Variants in FASTKD2 observed in about 807,000 individuals in gnomAD.
FASTKD2 encodes the protein FAST kinase domain-containing protein 2, mitochondrial.
In FASTKD2, 51 loss-of-function variants were observed where a neutral mutation model predicts 63.6. The observed-to-expected ratio is 0.80, with a 90% CI of 0.64 to 1.01. The LOEUF (loss-of-function observed/expected upper bound fraction) is 1.01. FASTKD2 is among the 50% of genes least tolerant of loss of function. The pLI is 0.00. For missense variants in FASTKD2, 786 were observed against 831.1 expected (o/e 0.95, Z 0.67); for synonymous variants, 284 against 293.4 (o/e 0.97, Z 0.33).
chr2:206,779,616 G>A (rs1689915203), intron 7 of FASTKD2, among the ~76,000 whole-genome samples: 1 of 152,116 alleles, frequency 6.6e-6, no homozygotes, highest in African/African-American at 2.4e-5. Context: ...CAGCATGGGG[G>A]AAACTGCCCC....
intron 7 of FASTKD2, 129 bp downstream of exon 7, chr2:206,774,526 A>AG: frequency 1.5e-6 from 1 of 669,598 alleles, no homozygotes; most frequent in Non-Finnish European, 2.5e-6. Context: ...TAAATAAAAC[A>AG]TAGTGTTCCT....
intron 11 of FASTKD2, chr2:206,791,155 C>T (rs1690275996): frequency 4.9e-6 from 1 of 203,658 alleles, no homozygotes; most frequent in African/African-American, 2.4e-5. Context: ...ATTTTGTACC[C>T]CACAGCTTCT....
intron 7 of FASTKD2, among the ~76,000 whole-genome samples, chr2:206,777,109 A>T: frequency 6.6e-6 from 1 of 152,106 alleles, no homozygotes; most frequent in East Asian, 1.9e-4. Context: ...ATAAGTGTAT[A>T]GGAACACAGC....
intron 2 of FASTKD2, among the ~76,000 whole-genome samples, 154 bp downstream of exon 2, chr2:206,767,624 A>G (rs963404951): frequency 7.2e-5 from 10 of 139,484 alleles, no homozygotes; most frequent in African/African-American, 2.5e-4. Context: ...TATATGATTT[A>G]GAGGCCTTAA....
chr2:206,791,703 C>A lies in FASTKD2; in HGVS notation c.2034C>A (p.Asp678Glu). ...GTAAGGTCAATAACTGGGAGATGGA[C>A]AAACTAGAGATGGAAGATGCAGTCA... Reference protein sequence around the residue: ...HVILVNNWEMDKLEMEDAVTF... With the variant: ...HVILVNNWEMEKLEMEDAVTF... Residue 678 changes from aspartate (D) to glutamate (E), a missense_variant, in exon 12 of 12, where the codon GAC becomes GAA. Coordinates refer to ENST00000402774, the MANE Select transcript of FASTKD2 (RefSeq NM_001136193.2). The A allele has an allele frequency of 6.2e-7, 1 of 1,612,412 alleles. No homozygotes were observed. The highest frequency in any genetic ancestry group is 8.5e-7 in the Non-Finnish European group (1 of 1,178,690).
chr2:206,773,316 CAAA>C (rs869141094), intron 6 of FASTKD2, among the ~76,000 whole-genome samples: 15 of 68,130 alleles, frequency 2.2e-4, no homozygotes, highest in African/African-American at 5.3e-4. Flanking sequence ...AACTCTGTCT[CAAA>C]AAAAAAAAAA....
intron 10 of FASTKD2, chr2:206,789,612 T>C (rs1690229970): frequency 6.6e-6 from 1 of 152,214 alleles, no homozygotes; most frequent in Non-Finnish European, 1.5e-5. Flanking sequence ...CACATAAATA[T>C]GATAGAAACA....
chr2:206,783,654 C>T (rs1171567006), intron 7 of FASTKD2, among the ~76,000 whole-genome samples: 2 of 152,198 alleles, frequency 1.3e-5, no homozygotes, highest in Non-Finnish European at 1.5e-5. Context: ...TGAGAGATAA[C>T]TTGTTCCAAC....
intron 2 of FASTKD2, 100 bp downstream of exon 2, chr2:206,767,570 A>G (rs1387278455): frequency 1.1e-6 from 1 of 912,832 alleles, no homozygotes; most frequent in East Asian, 2.6e-5. Context: ...AGAGACTATC[A>G]AATGGAATGG....
chr2:206,781,842 A>AGTTT (rs1689991535), intron 7 of FASTKD2, among the ~76,000 whole-genome samples: 1 of 151,238 alleles, frequency 6.6e-6, no homozygotes. Flanking sequence ...TTTCCTACTT[A>AGTTT]ACTGCTCCTG....
intron 11 of FASTKD2, 53 bp from the exon 12 acceptor site, chr2:206,791,630 T>G (rs1690288224): frequency 1.3e-6 from 2 of 1,572,854 alleles, no homozygotes; most frequent in Middle Eastern, 1.7e-4. Context: ...CTAAACTAGC[T>G]CTTTTGTTAG....
chr2:206,777,637 T>G (rs758640754), intron 7 of FASTKD2, among the ~76,000 whole-genome samples: 8 of 152,208 alleles, frequency 5.3e-5, no homozygotes, highest in Non-Finnish European at 1.2e-4. Flanking sequence ...TGCATGTGTC[T>G]GGCTTTGGTA....
chr2:206,793,500 C>T lies in FASTKD2; in HGVS notation c.*1698C>T, dbSNP rs1477561564. On this transcript the variant is annotated 3_prime_UTR_variant, in exon 12 of 12. Transcript: ENST00000402774. The stretch of plus-strand genomic sequence containing the variant: ...GTCCCAGGAGATCAGGCTTCTGGTT[C>T]CAGATTGGACAACCTCTAGTTTTGT... Among the ~76,000 whole-genome samples, 1 of 152,078 alleles carries T rather than the reference C, an allele frequency of 6.6e-6. No individual in the cohort carries two copies. Among genetic ancestry groups the T allele is most frequent in the Non-Finnish European group, 1.5e-5 (1 of 68,040 alleles).
chr2:206,779,297 T>C lies in FASTKD2; in HGVS notation c.1427+4900T>C, dbSNP rs551913536. On this transcript the variant is annotated intron_variant, in intron 7 of 11. Coordinates refer to ENST00000402774, the MANE Select transcript of FASTKD2 (RefSeq NM_001136193.2). ...CCTTAAATCTAAAGCGAGTATCTTG[T>C]AGACAAGTTATAGTTTGGTCTTTTT... Among the ~76,000 whole-genome samples, 10 of 152,362 alleles carry C rather than the reference T, an allele frequency of 6.6e-5. No individual in the cohort carries two copies. The South Asian group carries it at 1.9e-3, about 28-fold the overall frequency.
chr2:206,779,461 G>T (rs568212332), intron 7 of FASTKD2, among the ~76,000 whole-genome samples: 6 of 152,154 alleles, frequency 3.9e-5, no homozygotes, highest in Non-Finnish European at 8.8e-5. Context: ...GACTGGGGAG[G>T]CCTCAGGAGA....
intron 11 of FASTKD2, 40 bp from the exon 12 acceptor site, chr2:206,791,643 T>C (rs1690288802): frequency 6.3e-7 from 1 of 1,595,720 alleles, no homozygotes; most frequent in African/African-American, 1.3e-5. Flanking sequence ...TTTGTTAGTA[T>C]CGTCTCACAA....
rs975742447 is a variant in FASTKD2, at chr2:206,786,979, G to A, written c.1594+80G>A. The A allele has an allele frequency of 6.8e-6, 6 of 885,370 alleles. No individual in the cohort carries two copies. The Admixed American group carries it at 1.3e-4, about 19-fold the overall frequency. The allele number at this position is 885,370 out of a possible 1,614,324, so 54.8% of individuals were successfully genotyped here. A position where few individuals can be genotyped will look rare whatever the true frequency, so the allele number is the denominator to read the frequency against. On this transcript the variant is annotated intron_variant, in intron 8 of 11. Transcript: ENST00000402774. ...TAGCTACCATATGACTCTGAATGGGGTCTTAGTTGGAGCAGTGTTAGTTGA... is the reference window on the plus strand; with the variant it reads ...TAGCTACCATATGACTCTGAATGGGATCTTAGTTGGAGCAGTGTTAGTTGA...
At chr2:206,782,748 T>C (rs981207461) in intron 7 of FASTKD2, among the ~76,000 whole-genome samples, 9 of 152,246 alleles carry the variant, frequency 5.9e-5, no homozygotes, top group African/African-American at 2.2e-4. Flanking sequence ...TTTGGCAAAT[T>C]ACTTATCTGT....
chr2:206,789,215 A>C (rs1690218480), intron 10 of FASTKD2: 1 of 279,866 alleles, frequency 3.6e-6, no homozygotes, highest in Non-Finnish European at 6.8e-6. Context: ...ACTTTGGACA[A>C]GATAATATAA....
Sources: gnomAD v4.1 joint callset for allele counts (sites outside exome capture counted in the v4.1 genomes callset) on GRCh38, gnomAD v4.1.1 for gene constraint, MANE v1.5 for transcripts, NCBI Gene and HGNC (gene_info 2026-07-23, HGNC 2026-07-21) for gene names.